The following CEMIP variants were observed in gnomAD, a reference collection of about 807,000 sequenced individuals.
The protein encoded by CEMIP is cell migration inducing hyaluronidase 1.
A neutral mutation model predicts 156.9 loss-of-function variants in CEMIP; 105 were observed. The observed-to-expected ratio is 0.67, with a 90% confidence interval of 0.57 to 0.79. CEMIP has a LOEUF of 0.79. Ranked by LOEUF, CEMIP falls within the 30% of genes least tolerant of loss-of-function variation. CEMIP has a pLI of 0.00. For synonymous variants in CEMIP, 676 were observed against 668.4 expected (o/e 1.01, Z -0.17); for missense variants, 1,457 against 1,769.4 (o/e 0.82, Z 3.17).
chr15:80,879,898 G>T (rs2141825173), intron 5 of CEMIP, 44 bp downstream of exon 5: 1 of 1,611,248 alleles, frequency 6.2e-7, no homozygotes, highest in South Asian at 1.1e-5. Flanking sequence ...CCATGGATCT[G>T]ACAAGAGGGA....
chr15:80,878,800 C>T lies in CEMIP; in HGVS notation c.174C>T (p.Ile58=), dbSNP rs149378911. 71 of 1,614,072 alleles carry T rather than the reference C, an allele frequency of 4.4e-5. No homozygotes were observed. The East Asian group carries it at 4.7e-4, about 11-fold the overall frequency. The change falls in exon 4 of 30, where the codon ATC becomes ATT. Residue 58 remains isoleucine (I), a synonymous_variant. Coordinates refer to ENST00000394685, the MANE Select transcript of CEMIP (RefSeq NM_001293298.2). ...PGHDQDHHVH[I]GQGKTLLLTS... is the part of the protein sequence containing the mutation. ...ATGACCAAGACCACCATGTGCATAT[C>T]GGCCAGGGCAAGACACTGCTGCTCA...
chr15:80,829,963 C>CGG (rs1236892768), intron 1 of CEMIP, among the ~76,000 whole-genome samples: 1,167 of 84,584 alleles, frequency 0.014, 16 homozygotes, highest in African/African-American at 0.043. Context: ...AGGGAGGTAG[C>CGG]GGGTGTGTGT....
At chr15:80,788,494 GA>G (rs1164680028) in intron 1 of CEMIP, among the ~76,000 whole-genome samples, 1 of 149,292 alleles carries the variant, frequency 6.7e-6, no homozygotes, top group African/African-American at 2.5e-5. Context: ...AAAGAAAAAA[GA>G]AAAAAGAAAA....
At chr15:80,942,133 A>G in intron 26 of CEMIP, 80 bp downstream of exon 26, 2 of 1,510,766 alleles carry the variant, frequency 1.3e-6, no homozygotes, top group Middle Eastern at 1.7e-4. Context: ...TCGGGCCCAG[A>G]CCCAATTAGG....
chr15:80,819,420 T>TTAATCAGG (rs1220421575), intron 1 of CEMIP, among the ~76,000 whole-genome samples: 1 of 152,198 alleles, frequency 6.6e-6, no homozygotes, highest in Non-Finnish European at 1.5e-5. Flanking sequence ...TCGGCTTGCT[T>TTAATCAGG]ATGTTTGCTT....
At chr15:80,891,525 A>G (rs1196860750) in intron 10 of CEMIP, among the ~76,000 whole-genome samples, 1 of 152,252 alleles carries the variant, frequency 6.6e-6, no homozygotes, top group African/African-American at 2.4e-5. Context: ...TTCAGAGAAC[A>G]GAAGATTCAA....
At chr15:80,883,059 C>T (rs747938576) in intron 6 of CEMIP, among the ~76,000 whole-genome samples, 2 of 152,024 alleles carry the variant, frequency 1.3e-5, no homozygotes, top group Non-Finnish European at 2.9e-5. Flanking sequence ...GTGTGAGGAC[C>T]CAGGAGCAGC....
At chr15:80,872,113 G>C (rs1402366615) in intron 1 of CEMIP, among the ~76,000 whole-genome samples, 1 of 152,192 alleles carries the variant, frequency 6.6e-6, no homozygotes, top group African/African-American at 2.4e-5. Flanking sequence ...CACTGAACTC[G>C]CACAAAGAGC....
intron 1 of CEMIP, among the ~76,000 whole-genome samples, chr15:80,782,429 C>T (rs1416890305): frequency 6.6e-6 from 1 of 152,190 alleles, no homozygotes; most frequent in Non-Finnish European, 1.5e-5. Context: ...GACCAAGATA[C>T]TTGCTCTGCC....
chr15:80,931,818 G>T, intron 21 of CEMIP, 41 bp from the exon 22 acceptor site: 1 of 1,597,068 alleles, frequency 6.3e-7, no homozygotes. Flanking sequence ...CATAGGAATG[G>T]AAAACATTTA....
chr15:80,930,457 C>G (rs1019910927), intron 21 of CEMIP, among the ~76,000 whole-genome samples: 8 of 152,114 alleles, frequency 5.3e-5, no homozygotes, highest in Admixed American at 5.2e-4. Flanking sequence ...AAGTAGGAAC[C>G]TAAGAGCCTG....
chr15:80,833,686 T>C (rs1455410256), intron 1 of CEMIP, among the ~76,000 whole-genome samples: 2 of 150,562 alleles, frequency 1.3e-5, no homozygotes, highest in Non-Finnish European at 3.0e-5. Context: ...TTTTTTTTTT[T>C]TGGACAGAGT....
At chr15:80,889,445 G>T in intron 9 of CEMIP, 26 bp from the exon 10 acceptor site, 2 of 1,613,770 alleles carry the variant, frequency 1.2e-6, no homozygotes, top group South Asian at 2.2e-5. Flanking sequence ...CCTCCTGTCT[G>T]ACTGTGCTGT....
At chr15:80,920,436 A>C (rs1596192272) in intron 15 of CEMIP, 137 bp downstream of exon 15, 1 of 727,052 alleles carries the variant, frequency 1.4e-6, no homozygotes. Flanking sequence ...GCCCTTAACC[A>C]CCTACGGCTC....
At chr15:80,878,152 G>A (rs1008704869) in intron 3 of CEMIP, among the ~76,000 whole-genome samples, 5 of 152,302 alleles carry the variant, frequency 3.3e-5, no homozygotes, top group East Asian at 3.9e-4. Context: ...TCTCCACCAC[G>A]TATAGATATA....
intron 1 of CEMIP, among the ~76,000 whole-genome samples, chr15:80,830,331 T>C (rs991504079): frequency 6.6e-6 from 1 of 152,252 alleles, no homozygotes; most frequent in Admixed American, 6.5e-5. Flanking sequence ...AGCCCCTGAC[T>C]GTGAGCATGA....
intron 3 of CEMIP, among the ~76,000 whole-genome samples, chr15:80,874,325 A>G (rs962263665): frequency 1.3e-5 from 2 of 152,246 alleles, no homozygotes; most frequent in African/African-American, 2.4e-5. Context: ...CTTCTAGCCA[A>G]TCGCTACTGC....
chr15:80,814,183 G>A (rs1896737221), intron 1 of CEMIP, among the ~76,000 whole-genome samples: 1 of 151,586 alleles, frequency 6.6e-6, no homozygotes, highest in African/African-American at 2.4e-5. Flanking sequence ...CCAGTAGCTG[G>A]GACTACAGGT....
chr15:80,911,801 C>T (rs150008179), intron 14 of CEMIP, among the ~76,000 whole-genome samples: 13 of 152,208 alleles, frequency 8.5e-5, no homozygotes, highest in South Asian at 4.2e-4. Flanking sequence ...AAGGGGGAAG[C>T]GGCACAAGAA....
Sources: allele counts gnomAD v4.1 joint callset (sites outside exome capture counted in the v4.1 genomes callset), GRCh38; gene constraint gnomAD v4.1.1; transcripts MANE v1.5; gene names NCBI Gene and HGNC (gene_info 2026-07-23, HGNC 2026-07-21).